The following RSBN1L variants were observed in gnomAD, a reference collection of about 807,000 sequenced individuals.
RSBN1L encodes the protein lysine-specific demethylase RSBN1L.
RSBN1L carries 30 observed loss-of-function variants against 67.7 expected under a neutral mutation model. The ratio of observed to expected loss-of-function variants is 0.44; its 90% CI spans 0.33 to 0.60. The LOEUF is 0.60. RSBN1L is among the 20% of genes least tolerant of loss of function. RSBN1L has a pLI of 0.02. For synonymous variants in RSBN1L, 433 were observed against 387.0 expected, an observed-to-expected ratio of 1.12 and a Z score of -1.39; for missense variants, 992 against 1,031.7, an observed-to-expected ratio of 0.96 and a Z score of 0.53.
At chr7:77,714,151 G>A (rs1288196965) in intron 1 of RSBN1L, among the ~76,000 whole-genome samples, 2 of 152,128 alleles carry the variant, frequency 1.3e-5, no homozygotes, top group East Asian at 3.9e-4. Context: ...TCTATCTTTA[G>A]GATAGATTTG....
rs1313588441 is a variant in RSBN1L at position 77,707,655 on chromosome 7, C to T, written c.586+10600C>T. Among the ~76,000 whole-genome samples the T allele has an allele frequency of 4.6e-5, 7 of 152,270 alleles. No individual in the cohort carries two copies. In the East Asian group the frequency reaches 1.2e-3, roughly 25 times the overall value. On this transcript the variant is annotated intron_variant, in intron 1 of 7. Transcript: ENST00000334955. Reference sequence around the variant, plus strand: ...TATATCTTAAAGGAGTAAATGTTCACTATTACTCAATTTTCTCATTTGATA... The same window carrying T: ...TATATCTTAAAGGAGTAAATGTTCATTATTACTCAATTTTCTCATTTGATA...
chr7:77,744,408 A>G (rs1225163148), intron 2 of RSBN1L, among the ~76,000 whole-genome samples: 2 of 151,924 alleles, frequency 1.3e-5, no homozygotes, highest in Non-Finnish European at 1.5e-5. Flanking sequence ...ATATTTTGAT[A>G]GTTCATACCT....
chr7:77,778,265 C>A, intron 6 of RSBN1L, 73 bp from the exon 7 acceptor site: 1 of 1,008,390 alleles, frequency 9.9e-7, no homozygotes. Context: ...AGTATTTTTG[C>A]TTTGAGTTTA....
At chr7:77,735,973 A>G (rs1005103189) in intron 1 of RSBN1L, among the ~76,000 whole-genome samples, 4 of 152,040 alleles carry the variant, frequency 2.6e-5, no homozygotes, top group African/African-American at 9.7e-5. Context: ...TTTAGTCCTT[A>G]TAGTAACCAT....
intron 4 of RSBN1L, among the ~76,000 whole-genome samples, chr7:77,766,215 A>G (rs1791764210): frequency 6.6e-6 from 1 of 152,130 alleles, no homozygotes. Flanking sequence ...TATTTTTTTG[A>G]GACAGCCTCA....
rs766185559 is a variant in RSBN1L at position 77,736,441 on chromosome 7, CAAAG to C, written c.622_625del (p.Glu208LysfsTer10). On this transcript the variant is annotated frameshift_variant, in exon 2 of 8. Transcript: ENST00000334955. LOFTEE classifies it high-confidence loss of function. ...TCAAAGACAAAATTAAAGAGAGAGA[CAAAG>C]AAAAAGAAAGAGAAAAAAAGAAACA... The C allele has an allele frequency of 1.8e-6, 2 of 1,081,474 alleles. No homozygotes were observed. Among genetic ancestry groups the C allele is most frequent in the Non-Finnish European group, 2.6e-6 (2 of 775,506 alleles). 67.0% of individuals were successfully genotyped at this position (1,081,474 alleles called of 1,614,324 possible). A position where few individuals can be genotyped will look rare whatever the true frequency, so the allele number is the denominator to read the frequency against.
At chr7:77,700,883 G>A (rs1046437684) in intron 1 of RSBN1L, among the ~76,000 whole-genome samples, 9 of 151,738 alleles carry the variant, frequency 5.9e-5, no homozygotes, top group East Asian at 3.9e-4. Context: ...GGGGCCGGGC[G>A]CGGTGGCTCA....
chr7:77,753,329 T>C (rs1791577152), intron 3 of RSBN1L, among the ~76,000 whole-genome samples: 1 of 152,238 alleles, frequency 6.6e-6, no homozygotes, highest in African/African-American at 2.4e-5. Context: ...CTGGTGACTA[T>C]GTAGTGGTAG....
intron 1 of RSBN1L, among the ~76,000 whole-genome samples, chr7:77,722,043 TA>T (rs1348573363): frequency 3.3e-5 from 5 of 152,192 alleles, no homozygotes; most frequent in South Asian, 2.1e-4. Context: ...GATTTAGTGT[TA>T]GGGGAAAATT....
chr7:77,781,413 T>G lies in RSBN1L; in HGVS notation c.*2245T>G, dbSNP rs1204195825. The G allele has an allele frequency of 6.6e-6, 1 of 152,224 alleles. No individual in the cohort carries two copies. Among genetic ancestry groups the G allele is most frequent in the Non-Finnish European group, 1.5e-5 (1 of 68,038 alleles). 9.4% of individuals were successfully genotyped at this position (152,224 alleles called of 1,614,324 possible). A position where few individuals can be genotyped will look rare whatever the true frequency, so the allele number is the denominator to read the frequency against. ...ACCAGTATTGAGAAATAAGAAGGGA[T>G]GTAGTTAAAATGGTTTTCTGTTTCT... On this transcript the variant is annotated 3_prime_UTR_variant, in exon 8 of 8. Transcript: ENST00000334955.
intron 1 of RSBN1L, among the ~76,000 whole-genome samples, chr7:77,698,395 G>A (rs1296406055): frequency 6.6e-6 from 1 of 152,234 alleles, no homozygotes; most frequent in Non-Finnish European, 1.5e-5. Flanking sequence ...AAATTTAGGA[G>A]ATAAGTGCCT....
intron 1 of RSBN1L, among the ~76,000 whole-genome samples, chr7:77,720,932 T>A (rs1791111487): frequency 1.3e-5 from 2 of 151,950 alleles, no homozygotes; most frequent in Non-Finnish European, 2.9e-5. Context: ...ACATTTTGTA[T>A]TTTTAGTAGA....
At position 77,778,740 on chromosome 7, in the gene RSBN1L, A is replaced by T. The variant is rs763124795; in HGVS notation, c.2113A>T (p.Thr705Ser). The T allele has an allele frequency of 1.7e-5, 28 of 1,614,038 alleles. No homozygotes were observed. The highest frequency in any genetic ancestry group is 7.6e-6 in the Non-Finnish European group (9 of 1,180,008). The change falls in exon 8 of 8, where the codon ACT becomes TCT. Residue 705 changes from threonine to serine, a missense_variant. By Grantham distance (58) the Thr-to-Ser change is moderately conservative. Coordinates refer to ENST00000334955, the MANE Select transcript of RSBN1L (RefSeq NM_198467.3). ...GGAGGACACTTCTCAGAATACAGCT[A>T]CTCATGAAACAGGCACATCATCAGA... ...SEEDTSQNTA[T>S]HETGTSSDST... is the part of the protein sequence containing the mutation.
In RSBN1L at chr7:77,750,296, G is replaced by GTTTTTTTTT. The variant is rs36054297; in HGVS notation, c.1344+249_1344+257dup. ...ATTAATGAAATAATTAAGATTCTGT[G>GTTTTTTTTT]TTTTTTTTTTTTTTTTTTTTTTTTT... On this transcript the variant is annotated intron_variant, in intron 3 of 7. Transcript: ENST00000334955. 4.9e-4 allele frequency among the ~76,000 whole-genome samples: 28 copies of GTTTTTTTTT among 57,464 alleles called. 1 individual carries two copies. The highest frequency in any genetic ancestry group is 0.018 in the Middle Eastern group (1 of 56). 37.7% of individuals were successfully genotyped at this position (57,464 alleles called of 152,430 possible).
At chr7:77,705,125 G>A (rs900960833) in intron 1 of RSBN1L, among the ~76,000 whole-genome samples, 1 of 151,822 alleles carries the variant, frequency 6.6e-6, no homozygotes, top group South Asian at 2.1e-4. Context: ...GTCTAGATTC[G>A]CTTTTATATT....
intron 1 of RSBN1L, 150 bp downstream of exon 1, chr7:77,697,205 C>A: frequency 2.3e-6 from 2 of 867,284 alleles, no homozygotes; most frequent in Non-Finnish European, 3.1e-6. Flanking sequence ...GAGGATTTTG[C>A]AGTTCCCAAG....
At chr7:77,729,761 C>T (rs1791251183) in intron 1 of RSBN1L, among the ~76,000 whole-genome samples, 1 of 152,044 alleles carries the variant, frequency 6.6e-6, no homozygotes, top group Non-Finnish European at 1.5e-5. Flanking sequence ...TGAGACTAGC[C>T]TGGGCAACAT....
At chr7:77,752,211 A>G (rs913722510) in intron 3 of RSBN1L, among the ~76,000 whole-genome samples, 18 of 152,072 alleles carry the variant, frequency 1.2e-4, no homozygotes, top group African/African-American at 3.6e-4. Context: ...TGGGTAATAT[A>G]TATTGCAAAG....
chr7:77,730,122 CTTCT>C (rs1194313287), intron 1 of RSBN1L, among the ~76,000 whole-genome samples: 6 of 151,720 alleles, frequency 4.0e-5, no homozygotes, highest in African/African-American at 1.2e-4. Flanking sequence ...TCATACATTC[CTTCT>C]TTCTTCCGTT....
Sources: gnomAD v4.1 joint callset for allele counts (sites outside exome capture counted in the v4.1 genomes callset) on GRCh38, gnomAD v4.1.1 for gene constraint, MANE v1.5 for transcripts, NCBI Gene and HGNC (gene_info 2026-07-23, HGNC 2026-07-21) for gene names.